ROBO2: variants seen among roughly 807,000 people sequenced by gnomAD.
ROBO2 encodes the protein roundabout homolog 2.
In ROBO2, 53 loss-of-function variants were observed where a neutral mutation model predicts 160.8. The ratio of observed to expected loss-of-function variants is 0.33; its 90% CI spans 0.26 to 0.41. The LOEUF is 0.41. ROBO2 is among the 10% of genes least tolerant of loss of function. The pLI is 1.00. For missense variants in ROBO2, 1,577 were observed against 1,722.4 expected, an observed-to-expected ratio of 0.92 and a Z score of 1.49; for synonymous variants, 664 against 611.7, an observed-to-expected ratio of 1.09 and a Z score of -1.26.
At chr3:76,214,269 G>A (rs560253607) in intron 2 of ROBO2, among the ~76,000 whole-genome samples, 3 of 152,240 alleles carry the variant, frequency 2.0e-5, no homozygotes, top group Non-Finnish European at 4.4e-5. Flanking sequence ...AGTCCTAGCT[G>A]TGATTTCAAT....
intron 2 of ROBO2, among the ~76,000 whole-genome samples, chr3:75,971,197 C>G (rs1323300222): frequency 1.3e-5 from 2 of 151,228 alleles, no homozygotes; most frequent in East Asian, 3.9e-4. Flanking sequence ...AAAAGTAAAA[C>G]ACTTGTTAGA....
At chr3:76,298,099 T>G (rs1709173151) in intron 2 of ROBO2, among the ~76,000 whole-genome samples, 1 of 152,192 alleles carries the variant, frequency 6.6e-6, no homozygotes, top group Non-Finnish European at 1.5e-5. Flanking sequence ...AATAAAATAG[T>G]ACAGCCTTTT....
intron 2 of ROBO2, among the ~76,000 whole-genome samples, chr3:76,322,208 T>TATATATAC (rs1262581750): frequency 7.0e-5 from 9 of 128,248 alleles, no homozygotes; most frequent in Non-Finnish European, 1.1e-4. Flanking sequence ...ATATATAATA[T>TATATATAC]ACACACACAT....
intron 2 of ROBO2, among the ~76,000 whole-genome samples, chr3:77,243,413 T>G (rs2089302287): frequency 1.3e-5 from 2 of 152,204 alleles, no homozygotes; most frequent in African/African-American, 4.8e-5. Context: ...TAGGAGCAAC[T>G]GTTTGAACAC....
chr3:76,165,439 G>A (rs565004884), intron 2 of ROBO2, among the ~76,000 whole-genome samples: 34 of 151,796 alleles, frequency 2.2e-4, no homozygotes, highest in Non-Finnish European at 3.5e-4. Context: ...TTAAGGAAAT[G>A]TTGTGGCTTG....
intron 2 of ROBO2, among the ~76,000 whole-genome samples, chr3:77,230,291 C>G (rs1338000568): frequency 1.3e-5 from 2 of 151,982 alleles, no homozygotes; most frequent in African/African-American, 4.8e-5. Flanking sequence ...ACTATGTTGC[C>G]CAGATTGATC....
chr3:75,987,640 G>A (rs1410073026), intron 2 of ROBO2, among the ~76,000 whole-genome samples: 1 of 151,900 alleles, frequency 6.6e-6, no homozygotes, highest in Non-Finnish European at 1.5e-5. Flanking sequence ...GATCTTAGAG[G>A]TAAAACTTTC....
intron 1 of ROBO2, among the ~76,000 whole-genome samples, chr3:77,086,511 C>T (rs1021446899): frequency 1.2e-4 from 19 of 152,118 alleles, no homozygotes; most frequent in Non-Finnish European, 1.5e-5. Flanking sequence ...TAAAAACGAA[C>T]ATGCACATAT....
intron 2 of ROBO2, among the ~76,000 whole-genome samples, chr3:77,370,061 G>T (rs2071507468): frequency 6.6e-6 from 1 of 152,196 alleles, no homozygotes; most frequent in Admixed American, 6.5e-5. Context: ...TTTCCAGAAA[G>T]CTGTAATGCT....
At position 76,602,902 on chromosome 3, in the gene ROBO2, T is replaced by A. The variant is rs954400475; in HGVS notation, c.110-495112T>A. Among the ~76,000 whole-genome samples the A allele has an allele frequency of 2.6e-5, 4 of 152,226 alleles. No homozygotes were observed. In the East Asian group the frequency reaches 5.8e-4, roughly 22 times the overall value. ...CTATTGTTTTCCAAAATGAGAGCAT[T>A]TGTCTGGTATTAAATTAAAGAGACA... On this transcript the variant is annotated intron_variant, in intron 2 of 26. Coordinates refer to the ROBO2 transcript ENST00000487694.
chr3:76,300,833 C>T (rs1016344439), intron 2 of ROBO2, among the ~76,000 whole-genome samples: 7 of 151,990 alleles, frequency 4.6e-5, no homozygotes, highest in African/African-American at 1.7e-4. Flanking sequence ...GAAATGAAGC[C>T]AGGTGAGTCT....
chr3:76,697,987 T>C (rs2092964137), intron 2 of ROBO2, among the ~76,000 whole-genome samples: 1 of 152,264 alleles, frequency 6.6e-6, no homozygotes, highest in African/African-American at 2.4e-5. Flanking sequence ...GGATGTAGAA[T>C]GCCTGTAGAA....
At chr3:76,335,264 C>A (rs745613203) in intron 2 of ROBO2, among the ~76,000 whole-genome samples, 3 of 148,398 alleles carry the variant, frequency 2.0e-5, no homozygotes, top group Non-Finnish European at 3.0e-5. Context: ...TCACGGCAAC[C>A]TCCACTCCTG....
chr3:77,167,873 AG>A (rs1279436256), intron 2 of ROBO2, among the ~76,000 whole-genome samples: 1 of 152,142 alleles, frequency 6.6e-6, no homozygotes, highest in Non-Finnish European at 1.5e-5. Flanking sequence ...CTTCCAAAAA[AG>A]GGGACATGAT....
rs1368510145 is a variant in ROBO2 at position 77,293,022 on chromosome 3, A to C, written c.389-184392A>C. 5.4e-5 allele frequency among the ~76,000 whole-genome samples: 8 copies of C among 148,224 alleles called. No individual in the cohort carries two copies. The South Asian group carries it at 6.5e-4, about 12-fold the overall frequency. ...CGGGTAAGCTGAGGCTAGATCACCA[A>C]AGACATAAAGTAAAATTGATGGTTA... On this transcript the variant is annotated intron_variant, in intron 2 of 25. Coordinates refer to ENST00000461745, the Ensembl canonical transcript of ROBO2.
intron 2 of ROBO2, among the ~76,000 whole-genome samples, chr3:76,387,564 T>C (rs942146394): frequency 6.6e-6 from 1 of 152,222 alleles, no homozygotes; most frequent in Admixed American, 6.5e-5. Context: ...TGAATGAATG[T>C]GCCAGATATG....
chr3:77,081,039 C>T (rs1224503281), intron 1 of ROBO2, among the ~76,000 whole-genome samples: 1 of 152,026 alleles, frequency 6.6e-6, no homozygotes, highest in African/African-American at 2.4e-5. Context: ...TCTCATGATT[C>T]TGTGTGTTTA....
chr3:76,142,020 G>A (rs982358354), intron 2 of ROBO2, among the ~76,000 whole-genome samples: 1 of 151,972 alleles, frequency 6.6e-6, no homozygotes, highest in Admixed American at 6.6e-5. Flanking sequence ...AGTGTCAATA[G>A]TTTAGTGGCT....
intron 2 of ROBO2, among the ~76,000 whole-genome samples, chr3:77,440,986 G>C (rs767594220): frequency 6.6e-6 from 1 of 151,900 alleles, no homozygotes; most frequent in African/African-American, 2.4e-5. Flanking sequence ...CCCTAATTCT[G>C]TTTACAATTC....
Sources: gnomAD v4.1 joint callset for allele counts (sites outside exome capture counted in the v4.1 genomes callset) on GRCh38, gnomAD v4.1.1 for gene constraint, MANE v1.5 for transcripts, NCBI Gene and HGNC (gene_info 2026-07-23, HGNC 2026-07-21) for gene names.